PSMD1: variants seen among roughly 807,000 people sequenced by gnomAD.
PSMD1 encodes 26S proteasome non-ATPase regulatory subunit 1.
PSMD1 carries 18 observed loss-of-function variants against 119.0 expected under a neutral mutation model. The observed-to-expected ratio is 0.15, with a 90% CI of 0.10 to 0.22. PSMD1 has a LOEUF of 0.22. Among genes scored for constraint, PSMD1 ranks in the 10% least tolerant of loss-of-function variants. The probability of loss-of-function intolerance (pLI) is 1.00; values close to 1 mark genes in which losing one functional copy is unlikely to be tolerated. For synonymous variants in PSMD1, 374 were observed against 396.6 expected (o/e 0.94, Z 0.68); for missense variants, 702 against 1,158.5 (o/e 0.61, Z 5.72).
At chr2:231,080,026 T>G (rs1443898790) in intron 11 of PSMD1, 115 bp from the exon 12 acceptor site, 2 of 899,162 alleles carry the variant, frequency 2.2e-6, no homozygotes, top group Non-Finnish European at 3.2e-6. Flanking sequence ...CCCCACTACC[T>G]CCTTCTCTCT....
intron 16 of PSMD1, among the ~76,000 whole-genome samples, chr2:231,089,776 G>A (rs1171080948): frequency 6.6e-6 from 1 of 152,148 alleles, no homozygotes; most frequent in Non-Finnish European, 1.5e-5. Flanking sequence ...GATGTAGGCT[G>A]GAGGCTAATC....
chr2:231,145,177 A>T (rs1696223083), intron 17 of PSMD1, among the ~76,000 whole-genome samples: 1 of 152,240 alleles, frequency 6.6e-6, no homozygotes, highest in African/African-American at 2.4e-5. Context: ...AAGAACAGGG[A>T]TGCGTTCTGA....
At chr2:231,155,740 T>C (rs1185222940) in intron 19 of PSMD1, among the ~76,000 whole-genome samples, 4 of 151,998 alleles carry the variant, frequency 2.6e-5, no homozygotes, top group Non-Finnish European at 5.9e-5. Context: ...GGTTGGTTTT[T>C]GTTTTCCAAG....
intron 19 of PSMD1, among the ~76,000 whole-genome samples, chr2:231,157,531 CTTTA>C (rs1029770188): frequency 4.1e-5 from 6 of 147,362 alleles, no homozygotes; most frequent in Non-Finnish European, 9.0e-5. Flanking sequence ...TTCTGTTTCT[CTTTA>C]TTTATAACAA....
At position 231,125,023 on chromosome 2, in the gene PSMD1, ACTTG is replaced by A. The variant is rs1695686221; in HGVS notation, c.1884-13706_1884-13703del. ...GCATGTCATCTTATCTGTTCACTAG[ACTTG>A]CTTGCTGCTGTGACTGAAATCCTCC... On this transcript the variant is annotated intron_variant, in intron 16 of 24. Coordinates refer to ENST00000308696, the MANE Select transcript of PSMD1 (RefSeq NM_002807.4). 2.0e-5 allele frequency: 3 copies of A among 152,122 alleles called. No homozygotes were observed. In the East Asian group the frequency reaches 5.8e-4, roughly 29 times the overall value. 9.4% of individuals were successfully genotyped at this position (152,122 alleles called of 1,614,324 possible).
chr2:231,065,459 AT>A (rs58929120), intron 4 of PSMD1, among the ~76,000 whole-genome samples: 78 of 140,918 alleles, frequency 5.5e-4, no homozygotes, highest in South Asian at 6.8e-4. Flanking sequence ...CACCCGGCTA[AT>A]TTTTTTTTTT....
intron 2 of PSMD1, among the ~76,000 whole-genome samples, 192 bp downstream of exon 2, chr2:231,061,502 G>A (rs542848304): frequency 9.9e-5 from 15 of 152,252 alleles, no homozygotes; most frequent in African/African-American, 3.1e-4. Flanking sequence ...ACAAAGCTAA[G>A]ACAAATAAAC....
intron 4 of PSMD1, 63 bp from the exon 5 acceptor site, chr2:231,066,843 A>C (rs1195363062): frequency 7.6e-7 from 1 of 1,316,876 alleles, no homozygotes; most frequent in Non-Finnish European, 1.0e-6. Context: ...AAATATAGGC[A>C]TTGCCCTTTC....
chr2:231,115,282 G>A (rs1439615031), intron 16 of PSMD1, among the ~76,000 whole-genome samples: 4 of 151,970 alleles, frequency 2.6e-5, no homozygotes, highest in African/African-American at 9.7e-5. Flanking sequence ...TTTAAAGTCA[G>A]GTAGGATTTC....
chr2:231,157,076 T>C (rs1381766640), intron 19 of PSMD1, among the ~76,000 whole-genome samples: 1 of 152,138 alleles, frequency 6.6e-6, no homozygotes, highest in Non-Finnish European at 1.5e-5. Context: ...TGCTCTGTAA[T>C]CTTTTTTTTC....
At chr2:231,134,038 C>T (rs377029263) in intron 16 of PSMD1, among the ~76,000 whole-genome samples, 22 of 152,020 alleles carry the variant, frequency 1.4e-4, no homozygotes, top group Non-Finnish European at 5.9e-5. Flanking sequence ...TTTTGGTGTG[C>T]GTTTCATTTT....
chr2:231,058,678 T>C (rs1693675258), intron 1 of PSMD1, among the ~76,000 whole-genome samples: 1 of 152,168 alleles, frequency 6.6e-6, no homozygotes, highest in Non-Finnish European at 1.5e-5. Flanking sequence ...CCACATGATC[T>C]GATTCCCGCC....
rs1035771107 is a variant in PSMD1, at chr2:231,119,616, A to G, written c.1884-19120A>G. 5.9e-5 allele frequency among the ~76,000 whole-genome samples: 9 copies of G among 152,176 alleles called. No individual in the cohort carries two copies. In the South Asian group the frequency reaches 1.9e-3, roughly 32 times the overall value. Reference sequence around the variant, plus strand: ...CCAGGTTTGGTGGCTCATGTCTGTAATCCCAACACTTTGGGAGGCCGAGGC... The same window carrying G: ...CCAGGTTTGGTGGCTCATGTCTGTAGTCCCAACACTTTGGGAGGCCGAGGC... On this transcript the variant is annotated intron_variant, in intron 16 of 24. Coordinates refer to ENST00000308696, the MANE Select transcript of PSMD1 (RefSeq NM_002807.4).
rs1035494738 is a variant in PSMD1, at chr2:231,056,923, C to G, written c.-103C>G. On this transcript the variant is annotated 5_prime_UTR_variant, in exon 1 of 25. Coordinates refer to ENST00000308696, the MANE Select transcript of PSMD1 (RefSeq NM_002807.4). The stretch of plus-strand genomic sequence containing the variant: ...GAGGCGACTGACTGAGCAGCGCACC[C>G]GGGGAGCAAGGAGGCGCGGTGAACT... The G allele has an allele frequency of 1.0e-4, 154 of 1,473,136 alleles. No homozygotes were observed. Among genetic ancestry groups the G allele is most frequent in the South Asian group, 2.9e-4 (24 of 82,474 alleles). 91.3% of individuals were successfully genotyped at this position (1,473,136 alleles called of 1,614,324 possible).
At chr2:231,113,231 A>G (rs1007641489) in intron 16 of PSMD1, among the ~76,000 whole-genome samples, 1 of 152,174 alleles carries the variant, frequency 6.6e-6, no homozygotes, top group African/African-American at 2.4e-5. Flanking sequence ...ATCTGTACAC[A>G]TATGTACAGA....
intron 16 of PSMD1, among the ~76,000 whole-genome samples, chr2:231,129,329 A>G (rs1190097236): frequency 6.6e-6 from 1 of 152,220 alleles, no homozygotes; most frequent in Non-Finnish European, 1.5e-5. Context: ...GCAACTTTGA[A>G]TATTACAGAT....
chr2:231,123,804 G>T (rs750697085), intron 16 of PSMD1: 2 of 1,443,620 alleles, frequency 1.4e-6, no homozygotes, highest in Non-Finnish European at 2.0e-6. Context: ...CCGAACAGTG[G>T]TCAGCATGGT....
chr2:231,155,819 TA>T (rs1302316363), intron 19 of PSMD1, among the ~76,000 whole-genome samples: 1 of 151,962 alleles, frequency 6.6e-6, no homozygotes, highest in Non-Finnish European at 1.5e-5. Context: ...CTTTTTAATT[TA>T]AAAAATATTT....
At chr2:231,132,074 C>G (rs1005607166) in intron 16 of PSMD1, among the ~76,000 whole-genome samples, 1 of 152,058 alleles carries the variant, frequency 6.6e-6, no homozygotes, top group Non-Finnish European at 1.5e-5. Flanking sequence ...GCATTAGGCT[C>G]CTGGTATTTA....
Sources: gnomAD v4.1 joint callset for allele counts (sites outside exome capture counted in the v4.1 genomes callset) on GRCh38, gnomAD v4.1.1 for gene constraint, MANE v1.5 for transcripts, NCBI Gene and HGNC (gene_info 2026-07-23, HGNC 2026-07-21) for gene names.